Variants in ZBTB16 observed in about 807,000 individuals in gnomAD.
ZBTB16 encodes zinc finger and BTB domain containing 16.
A neutral mutation model predicts 56.8 loss-of-function variants in ZBTB16; 8 were observed. That is an observed-to-expected ratio of 0.14 (90% CI 0.08 to 0.25). The LOEUF (loss-of-function observed/expected upper bound fraction) is 0.25, where lower values mean the gene tolerates loss of function less well. ZBTB16 is among the 10% of genes least tolerant of loss of function. ZBTB16 has a pLI of 1.00. For synonymous variants in ZBTB16, 363 were observed against 368.5 expected, an observed-to-expected ratio of 0.98 and a Z score of 0.17; for missense variants, 625 against 903.0, an observed-to-expected ratio of 0.69 and a Z score of 3.95.
intron 4 of ZBTB16, 62 bp from the exon 5 acceptor site, chr11:114,242,105 G>T: frequency 1.2e-6 from 2 of 1,603,350 alleles, no homozygotes; most frequent in Non-Finnish European, 8.5e-7. Context: ...CACTCCAGAT[G>T]GGTAAAGAAT....
intron 2 of ZBTB16, among the ~76,000 whole-genome samples, chr11:114,119,516 C>G (rs971267458): frequency 2.0e-4 from 31 of 151,994 alleles, no homozygotes; most frequent in African/African-American, 7.5e-4. Context: ...CAGCACTGTC[C>G]TGGTGAAACT....
chr11:114,208,190 G>A (rs1359518271), intron 4 of ZBTB16, among the ~76,000 whole-genome samples: 2 of 152,198 alleles, frequency 1.3e-5, no homozygotes. Flanking sequence ...GCACGAGTTA[G>A]GGTGAAGATT....
intron 2 of ZBTB16, among the ~76,000 whole-genome samples, chr11:114,148,752 CAA>C (rs1445638125): frequency 2.6e-5 from 4 of 151,816 alleles, no homozygotes; most frequent in Admixed American, 6.6e-5. Flanking sequence ...CACAGCCTCC[CAA>C]AGTGTTAGGA....
intron 2 of ZBTB16, among the ~76,000 whole-genome samples, chr11:114,155,410 C>G (rs146961917): frequency 4.9e-4 from 74 of 152,344 alleles, no homozygotes; most frequent in African/African-American, 1.6e-3. Flanking sequence ...ATCTTACCAG[C>G]TCCCGTGCTG....
chr11:114,071,097 T>C (rs1423882105), intron 2 of ZBTB16, among the ~76,000 whole-genome samples: 1 of 152,208 alleles, frequency 6.6e-6, no homozygotes, highest in African/African-American at 2.4e-5. Context: ...ATTGTTGCGC[T>C]CTTTAAAAAA....
At position 114,256,017 on chromosome 11, in the gene ZBTB16, G is replaced by A. The variant is rs1161431869; in HGVS notation, c.*5462G>A. ...CCTTTTTATTGAAGTACTTGGTTTTGTTTTGTTTTTTTTTTTTGTTTTTTT... is the reference window on the plus strand; with the variant it reads ...CCTTTTTATTGAAGTACTTGGTTTTATTTTGTTTTTTTTTTTTGTTTTTTT... On this transcript the variant is annotated 3_prime_UTR_variant, in exon 7 of 7. Transcript: ENST00000335953. Among the ~76,000 whole-genome samples the A allele has an allele frequency of 1.5e-5, 1 of 66,316 alleles. No individual in the cohort carries two copies. Among genetic ancestry groups the A allele is most frequent in the African/African-American group, 4.9e-5 (1 of 20,212 alleles). The allele number at this position is 66,316 out of a possible 152,430, so 43.5% of individuals were successfully genotyped here. A position where few individuals can be genotyped will look rare whatever the true frequency, so the allele number is the denominator to read the frequency against.
At chr11:114,098,336 T>C (rs185318319) in intron 2 of ZBTB16, among the ~76,000 whole-genome samples, 20 of 152,276 alleles carry the variant, frequency 1.3e-4, no homozygotes, top group Admixed American at 3.3e-4. Flanking sequence ...ACTATATATA[T>C]AGTACCAGGC....
Position 114,255,715 on chromosome 11 carries a change from AT to A in ZBTB16, c.*5163del, listed in dbSNP as rs1357555918. Among the ~76,000 whole-genome samples the A allele has an allele frequency of 5.3e-5, 1 of 18,866 alleles. No homozygotes were observed. Among genetic ancestry groups the A allele is most frequent in the African/African-American group, 9.7e-5 (1 of 10,288 alleles). 12.4% of individuals were successfully genotyped at this position (18,866 alleles called of 152,430 possible). On this transcript the variant is annotated 3_prime_UTR_variant, in exon 7 of 7. Coordinates refer to ENST00000335953, the MANE Select transcript of ZBTB16 (RefSeq NM_006006.6). ...TTGTAATTTCAGTGTTTCTGACAAGATTTAAAAAAAAAAAAAAAGGAAAAAA... is the reference window on the plus strand; with the variant it reads ...TTGTAATTTCAGTGTTTCTGACAAGATTAAAAAAAAAAAAAAAGGAAAAAA...
chr11:114,130,779 G>A (rs988842568), intron 2 of ZBTB16, among the ~76,000 whole-genome samples: 58 of 152,310 alleles, frequency 3.8e-4, no homozygotes, highest in African/African-American at 1.3e-3. Context: ...CTAAGTAAGC[G>A]TGGCTTAAGG....
At chr11:114,247,080 C>A in intron 5 of ZBTB16, 118 bp from the exon 6 acceptor site, 12 of 1,365,322 alleles carry the variant, frequency 8.8e-6, no homozygotes, top group Non-Finnish European at 1.2e-5. Flanking sequence ...CTTAAGTTGT[C>A]TTTGGAGGTG....
chr11:114,248,019 TC>T (rs1944850050), intron 6 of ZBTB16, among the ~76,000 whole-genome samples: 2 of 152,078 alleles, frequency 1.3e-5, no homozygotes, highest in Admixed American at 1.3e-4. Context: ...TGCCTCAGCC[TC>T]CCAATTACCT....
chr11:114,082,433 A>G (rs909289728), intron 2 of ZBTB16, among the ~76,000 whole-genome samples: 3 of 152,216 alleles, frequency 2.0e-5, no homozygotes, highest in African/African-American at 7.2e-5. Context: ...TAGTTGCTCA[A>G]TAAATATAAC....
At chr11:114,205,473 A>G (rs975617707) in intron 4 of ZBTB16, among the ~76,000 whole-genome samples, 5 of 152,182 alleles carry the variant, frequency 3.3e-5, no homozygotes, top group Non-Finnish European at 7.4e-5. Context: ...GAGAGATTGT[A>G]GGTTTGGGTC....
intron 4 of ZBTB16, among the ~76,000 whole-genome samples, chr11:114,198,559 G>A (rs1037389035): frequency 2.6e-5 from 4 of 152,060 alleles, no homozygotes; most frequent in Admixed American, 2.0e-4. Context: ...AGGGGCCCCC[G>A]ATACTCTTTT....
At chr11:114,162,875 C>T (rs1942630237) in intron 3 of ZBTB16, among the ~76,000 whole-genome samples, 1 of 152,178 alleles carries the variant, frequency 6.6e-6, no homozygotes, top group South Asian at 2.1e-4. Flanking sequence ...ACACACTTCT[C>T]TTTCTCTCTC....
chr11:114,193,537 C>T (rs537847), intron 4 of ZBTB16, among the ~76,000 whole-genome samples: 90,377 of 152,046 alleles, frequency 0.59, 27,481 homozygotes, highest in African/African-American at 0.71. Flanking sequence ...TCATCACTCA[C>T]AGCGCTACTT....
intron 2 of ZBTB16, among the ~76,000 whole-genome samples, chr11:114,110,233 T>C (rs181109510): frequency 2.6e-5 from 4 of 152,170 alleles, no homozygotes; most frequent in Admixed American, 2.6e-4. Flanking sequence ...TTCTTGGAGA[T>C]GTGGAGCATT....
intron 4 of ZBTB16, among the ~76,000 whole-genome samples, chr11:114,205,414 A>C (rs892010254): frequency 5.9e-5 from 9 of 152,060 alleles, no homozygotes; most frequent in African/African-American, 2.2e-4. Context: ...CGTCTCAAAA[A>C]AAAAAAAAAA....
intron 4 of ZBTB16, among the ~76,000 whole-genome samples, chr11:114,233,098 C>T (rs1205482174): frequency 2.4e-5 from 1 of 41,052 alleles, no homozygotes; most frequent in Non-Finnish European, 6.8e-5. Context: ...CACACACACA[C>T]ACACACACAC....
Sources: allele counts gnomAD v4.1 joint callset (sites outside exome capture counted in the v4.1 genomes callset), GRCh38; gene constraint gnomAD v4.1.1; transcripts MANE v1.5; gene names NCBI Gene and HGNC (gene_info 2026-07-23, HGNC 2026-07-21).